The following DGKZ variants were observed in gnomAD, a reference collection of about 807,000 sequenced individuals.
DGKZ encodes diacylglycerol kinase zeta, also known as DAG kinase zeta.
Under a neutral mutation model 142.5 loss-of-function variants are expected in DGKZ, and 45 were observed. The observed-to-expected ratio is 0.32, with a 90% CI of 0.25 to 0.40. The LOEUF (loss-of-function observed/expected upper bound fraction) is 0.40. DGKZ is among the 10% of genes least tolerant of loss of function. The probability of loss-of-function intolerance (pLI) is 1.00; values close to 1 mark genes in which losing one functional copy is unlikely to be tolerated. For synonymous variants in DGKZ, 442 were observed against 527.0 expected (o/e 0.84, Z 2.21); for missense variants, 755 against 1,306.5 (o/e 0.58, Z 6.51).
At chr11:46,365,271 A>G (rs528058994) in intron 1 of DGKZ, 4 of 985,398 alleles carry the variant, frequency 4.1e-6, no homozygotes, top group Admixed American at 6.1e-5. Flanking sequence ...GGGCCGCAGA[A>G]GAATGTGCAG....
At chr11:46,340,496 G>A (rs562263022) in intron 1 of DGKZ, among the ~76,000 whole-genome samples, 1 of 152,352 alleles carries the variant, frequency 6.6e-6, no homozygotes, top group African/African-American at 2.4e-5. Context: ...CCAAAGGACA[G>A]CTTTCAAGAG....
intron 1 of DGKZ, among the ~76,000 whole-genome samples, chr11:46,340,354 C>T (rs1298448302): frequency 1.3e-5 from 2 of 152,158 alleles, no homozygotes; most frequent in Non-Finnish European, 2.9e-5. Flanking sequence ...GACACACTGA[C>T]CGTGTCGTGG....
chr11:46,362,509 T>C (rs1942782878), intron 1 of DGKZ, among the ~76,000 whole-genome samples: 1 of 152,100 alleles, frequency 6.6e-6, no homozygotes, highest in Admixed American at 6.5e-5. Flanking sequence ...ATGGTGGGTG[T>C]AGGCCCTGCC....
chr11:46,348,970 G>A (rs961152345), intron 1 of DGKZ, among the ~76,000 whole-genome samples: 3 of 151,942 alleles, frequency 2.0e-5, no homozygotes, highest in Non-Finnish European at 4.4e-5. Context: ...CCCCCACCCC[G>A]CCCCTTAGCT....
At chr11:46,370,190 C>G (rs1449542665) in intron 6 of DGKZ, among the ~76,000 whole-genome samples, 181 bp downstream of exon 6, 1 of 152,226 alleles carries the variant, frequency 6.6e-6, no homozygotes. Flanking sequence ...GGTCTCTGGG[C>G]TTAGTAGGAG....
intron 1 of DGKZ, among the ~76,000 whole-genome samples, chr11:46,351,718 G>A (rs920508624): frequency 6.6e-6 from 1 of 152,134 alleles, no homozygotes; most frequent in Non-Finnish European, 1.5e-5. Flanking sequence ...GCAAGTTTGG[G>A]AAAGAAAAAT....
At chr11:46,349,292 C>T (rs1301919566) in intron 1 of DGKZ, among the ~76,000 whole-genome samples, 2 of 152,212 alleles carry the variant, frequency 1.3e-5, no homozygotes, top group Non-Finnish European at 2.9e-5. Flanking sequence ...GAGCAGTTTA[C>T]ACCCAGCTCT....
chr11:46,365,990 G>C, intron 1 of DGKZ: 1 of 985,334 alleles, frequency 1.0e-6, no homozygotes, highest in African/African-American at 1.7e-5. Context: ...GTGCAATGGG[G>C]GAGAGCATCA....
upstream of DGKZ, among the ~76,000 whole-genome samples, chr11:46,343,852 A>G (rs1564994164): frequency 6.6e-6 from 1 of 151,874 alleles, no homozygotes; most frequent in Admixed American, 6.6e-5. Flanking sequence ...CTGCTCTCAA[A>G]TATCACCTCC....
upstream of DGKZ, chr11:46,345,623 C>T (rs1217352803): frequency 1.4e-6 from 2 of 1,470,756 alleles, no homozygotes; most frequent in Middle Eastern, 1.9e-4. This position sits in a 1 kb window ranked among gnomAD's most constrained non-coding sequence, Gnocchi z 4.1. Flanking sequence ...GGCATGGGAC[C>T]TCTGTCCCTC....
chr11:46,335,425 A>ACG (rs922923069), intron 1 of DGKZ, among the ~76,000 whole-genome samples: 103 of 142,436 alleles, frequency 7.2e-4, no homozygotes, highest in African/African-American at 2.7e-3. Context: ...GCACACGTGC[A>ACG]CGCACACACA....
intron 6 of DGKZ, among the ~76,000 whole-genome samples, chr11:46,370,505 C>T (rs1366050000): frequency 2.0e-5 from 3 of 152,242 alleles, no homozygotes; most frequent in Non-Finnish European, 2.9e-5. Context: ...TGATTCTCAG[C>T]GCCTGGCCCA....
At chr11:46,349,162 A>C (rs1420208347) in intron 1 of DGKZ, among the ~76,000 whole-genome samples, 1 of 152,146 alleles carries the variant, frequency 6.6e-6, no homozygotes, top group East Asian at 1.9e-4. Context: ...GAATTCTTAC[A>C]CTGGCAGATG....
chr11:46,361,769 G>A, intron 1 of DGKZ: 1 of 785,180 alleles, frequency 1.3e-6, no homozygotes, highest in Non-Finnish European at 1.5e-6. Flanking sequence ...TGGCTGGGTG[G>A]GTGCGGGGAG....
intron 1 of DGKZ, among the ~76,000 whole-genome samples, chr11:46,334,448 T>A (rs986506141): frequency 1.3e-5 from 2 of 152,210 alleles, no homozygotes; most frequent in East Asian, 3.8e-4. Context: ...GTTTGGGATA[T>A]GTCTGAGGCT....
At chr11:46,365,701 T>C (rs1024564444) in intron 1 of DGKZ, 1 of 985,444 alleles carries the variant, frequency 1.0e-6, no homozygotes, top group Non-Finnish European at 1.2e-6. Flanking sequence ...CATTTTGTTA[T>C]AGCTTGGTTT....
At chr11:46,379,626 C>G in intron 30 of DGKZ, 58 bp downstream of exon 30, 1 of 1,472,894 alleles carries the variant, frequency 6.8e-7, no homozygotes, top group Non-Finnish European at 9.2e-7. Flanking sequence ...TTCCCAAGGT[C>G]CTAGGCGGGA....
intron 5 of DGKZ, 168 bp from the exon 6 acceptor site, chr11:46,369,759 CTCTGTCCCTCTGAG>C: frequency 1.1e-6 from 1 of 882,192 alleles, no homozygotes; most frequent in Admixed American, 2.3e-5. Context: ...TCCCAGCCTT[CTCTGTCCCTCTGAG>C]TCTGAGCCTC....
intron 1 of DGKZ, among the ~76,000 whole-genome samples, chr11:46,361,220 C>T (rs1311628020): frequency 1.3e-5 from 2 of 152,196 alleles, no homozygotes; most frequent in East Asian, 1.9e-4. Context: ...GTCCAGTGGG[C>T]GTGAGAAGGC....
Sources: allele counts gnomAD v4.1 joint callset (sites outside exome capture counted in the v4.1 genomes callset), GRCh38; gene constraint gnomAD v4.1.1; non-coding constraint Gnocchi (gnomAD v3.1); transcripts MANE v1.5; gene names NCBI Gene and HGNC (gene_info 2026-07-23, HGNC 2026-07-21).